The following CYRIB variants were observed in gnomAD, a reference collection of about 807,000 sequenced individuals.
CYRIB encodes the protein CYFIP-related Rac1 interactor B.
A neutral mutation model predicts 44.2 loss-of-function variants in CYRIB; 8 were observed. That is an observed-to-expected ratio of 0.18 (90% CI 0.11 to 0.33). The LOEUF (loss-of-function observed/expected upper bound fraction) is 0.33. Among genes scored for constraint, CYRIB ranks in the 10% least tolerant of loss-of-function variants. The probability of loss-of-function intolerance (pLI) is 1.00; values close to 1 mark genes in which losing one functional copy is unlikely to be tolerated. For synonymous variants in CYRIB, 131 were observed against 127.2 expected (o/e 1.03, Z -0.20); for missense variants, 185 against 382.8 (o/e 0.48, Z 4.31).
chr8:129,931,496 T>C, intron 1 of CYRIB, among the ~76,000 whole-genome samples: 1 of 152,236 alleles, frequency 6.6e-6, no homozygotes, highest in East Asian at 1.9e-4. Context: ...GTTATTAAAG[T>C]GACCAACTCA....
chr8:129,871,037 T>C (rs892498100), intron 4 of CYRIB, among the ~76,000 whole-genome samples: 8 of 152,186 alleles, frequency 5.3e-5, no homozygotes, highest in Non-Finnish European at 1.5e-5. Flanking sequence ...ACATATTTTC[T>C]TTGTGATGTA....
At chr8:130,007,187 G>A (rs1224480103) in intron 1 of CYRIB, among the ~76,000 whole-genome samples, 2 of 152,134 alleles carry the variant, frequency 1.3e-5, no homozygotes, top group Non-Finnish European at 2.9e-5. Flanking sequence ...GAGGGCTGCT[G>A]AGATGCCCGC....
intron 2 of CYRIB, among the ~76,000 whole-genome samples, chr8:129,891,273 GT>G (rs1445180989): frequency 6.6e-6 from 1 of 152,162 alleles, no homozygotes; most frequent in East Asian, 1.9e-4. Context: ...TTTGGCTCAG[GT>G]TTCCAACACT....
rs1291863211 is a variant in CYRIB at position 129,879,380 on chromosome 8, T to A, written c.73+9A>T. ...GCAAAGAGAAATAGATATAAAATCA[T>A]CTTCTCACTTTCAAAATCAAGGAAA... On this transcript the variant is annotated intron_variant, in intron 3 of 11. Coordinates refer to ENST00000519824, the Ensembl canonical transcript of CYRIB. The A allele has an allele frequency of 2.5e-6, 4 of 1,588,698 alleles. No homozygotes were observed. Among genetic ancestry groups the A allele is most frequent in the Non-Finnish European group, 3.5e-6 (4 of 1,159,092 alleles).
chr8:130,001,005 G>C (rs2096895093), intron 1 of CYRIB, among the ~76,000 whole-genome samples: 1 of 152,104 alleles, frequency 6.6e-6, no homozygotes, highest in Admixed American at 6.5e-5. Context: ...TTCTATATTT[G>C]GTGCCTCCCT....
In CYRIB at chr8:129,842,240, A is replaced by C. The variant is rs372614339; in HGVS notation, c.912-35T>G. On this transcript the variant is annotated intron_variant, in intron 11 of 11. Coordinates refer to ENST00000519824, the Ensembl canonical transcript of CYRIB. ...GAAAAGAAAAAAGATCAATTTTAGG[A>C]ACTTAAAAAATAATCAGCATCGGGT... is the stretch of plus-strand genomic sequence containing the variant. 59 of 1,468,044 alleles carry C rather than the reference A, an allele frequency of 4.0e-5. No individual in the cohort carries two copies. The African/African-American group carries it at 7.2e-4, about 18-fold the overall frequency. The allele number at this position is 1,468,044 out of a possible 1,614,324, so 90.9% of individuals were successfully genotyped here.
At chr8:129,924,736 A>G (rs905878137) in intron 1 of CYRIB, among the ~76,000 whole-genome samples, 8 of 152,048 alleles carry the variant, frequency 5.3e-5, no homozygotes, top group Admixed American at 1.3e-4. Flanking sequence ...GGAGGCTGAG[A>G]CAGAGGATCA....
At chr8:129,842,162 T>G (rs764984036) in exon 12 of CYRIB, 1 of 1,612,796 alleles carries the variant, frequency 6.2e-7, no homozygotes, top group Admixed American at 1.7e-5. Flanking sequence ...ATGGATTTAA[T>G]TTGCTTGGAG....
intron 2 of CYRIB, among the ~76,000 whole-genome samples, chr8:129,965,266 G>A (rs2095427339): frequency 6.6e-6 from 1 of 151,888 alleles, no homozygotes; most frequent in African/African-American, 2.4e-5. Context: ...GTGTGTGTGT[G>A]TGTGTGTGTG....
At chr8:129,967,659 G>C (rs1024760391) in intron 2 of CYRIB, among the ~76,000 whole-genome samples, 1 of 152,244 alleles carries the variant, frequency 6.6e-6, no homozygotes, top group Admixed American at 6.5e-5. Flanking sequence ...GATTACAGGC[G>C]TGAGCCACCG....
intron 1 of CYRIB, among the ~76,000 whole-genome samples, chr8:129,998,820 C>T (rs559095974): frequency 3.5e-4 from 53 of 152,144 alleles, no homozygotes; most frequent in African/African-American, 1.3e-3. Context: ...TTAGTAGAGA[C>T]GGGGTTTCAC....
chr8:129,901,934 T>A (rs573692139), intron 2 of CYRIB, among the ~76,000 whole-genome samples: 1 of 152,346 alleles, frequency 6.6e-6, no homozygotes, highest in East Asian at 1.9e-4. Flanking sequence ...ATCACAAATT[T>A]GTATTTAGTA....
chr8:129,998,930 G>A (rs1219559624), intron 1 of CYRIB, among the ~76,000 whole-genome samples: 1 of 152,054 alleles, frequency 6.6e-6, no homozygotes, highest in Non-Finnish European at 1.5e-5. Flanking sequence ...GAAAATTCAA[G>A]ACATGGTGCT....
intron 1 of CYRIB, among the ~76,000 whole-genome samples, chr8:130,000,764 C>G (rs2096889461): frequency 6.6e-6 from 1 of 152,010 alleles, no homozygotes; most frequent in Admixed American, 6.6e-5. Flanking sequence ...AGCCTGTAGT[C>G]CCAGCCCTTT....
chr8:129,913,662 G>A (rs1256976352), intron 1 of CYRIB, among the ~76,000 whole-genome samples: 1 of 152,230 alleles, frequency 6.6e-6, no homozygotes. Context: ...GCTTTGAGTA[G>A]CACTAGTATA....
In CYRIB at chr8:129,898,555, G is replaced by A. The variant is rs542324312; in HGVS notation, c.-11+4757C>T. Among the ~76,000 whole-genome samples the A allele has an allele frequency of 5.3e-5, 8 of 152,228 alleles. No individual in the cohort carries two copies. In the South Asian group the frequency reaches 6.2e-4, roughly 12 times the overall value. ...TTCTGTTTGAGCCTTGTACACTAAC[G>A]GAATTTAATACAAGTGAAATTACAA... On this transcript the variant is annotated intron_variant, in intron 2 of 11. Transcript: ENST00000519824.
intron 1 of CYRIB, among the ~76,000 whole-genome samples, chr8:129,933,520 T>C (rs1457978548): frequency 6.6e-6 from 1 of 152,164 alleles, no homozygotes; most frequent in Non-Finnish European, 1.5e-5. Flanking sequence ...ATGTGACTTA[T>C]GGGTGGGATG....
Position 129,921,946 on chromosome 8 carries a change from G to A in CYRIB, c.-50+17662C>T, listed in dbSNP as rs2083858682. On this transcript the variant is annotated intron_variant, in intron 1 of 11. Transcript: ENST00000519824. The stretch of plus-strand genomic sequence containing the variant: ...TGAAGATGTTGAGAAGGCAATGATG[G>A]ATACAGAAGTATGGAGTTCAGGGAA... 2.0e-5 allele frequency among the ~76,000 whole-genome samples: 3 copies of A among 152,224 alleles called. No individual in the cohort carries two copies. The South Asian group carries it at 6.2e-4, about 32-fold the overall frequency.
upstream of CYRIB, among the ~76,000 whole-genome samples, chr8:129,940,255 A>C (rs1369702310): frequency 6.6e-6 from 1 of 152,060 alleles, no homozygotes; most frequent in Non-Finnish European, 1.5e-5. Flanking sequence ...TATTCCCCCC[A>C]CGCCTGGAAC....
Sources: allele counts gnomAD v4.1 joint callset (sites outside exome capture counted in the v4.1 genomes callset), GRCh38; gene constraint gnomAD v4.1.1; transcripts MANE v1.5; gene names NCBI Gene and HGNC (gene_info 2026-07-23, HGNC 2026-07-21).